CNTNAP5: variants seen among roughly 807,000 people sequenced by gnomAD.
The protein encoded by CNTNAP5 is contactin-associated protein-like 5.
A neutral mutation model predicts 150.2 loss-of-function variants in CNTNAP5; 72 were observed. The observed-to-expected ratio is 0.48, with a 90% CI of 0.40 to 0.58. The LOEUF (loss-of-function observed/expected upper bound fraction) is 0.58, where lower values mean the gene tolerates loss of function less well. Ranked by LOEUF, CNTNAP5 falls within the 20% of genes least tolerant of loss-of-function variation. The pLI, the probability that CNTNAP5 is intolerant of heterozygous loss-of-function variation, is 0.00. For synonymous variants in CNTNAP5, 672 were observed against 619.8 expected (o/e 1.08, Z -1.25); for missense variants, 1,636 against 1,626.2 (o/e 1.01, Z -0.10).
In CNTNAP5 at chr2:124,594,011, A is replaced by C. The variant is rs200601578; in HGVS notation, c.1757-15790A>C. On this transcript the variant is annotated intron_variant, in intron 11 of 23. Transcript: ENST00000682447. ...TGTTTTTTTCTTGTAAATTTGTTTG[A>C]GTTCATTGTAGATTCTGGATATTAG... is the stretch of plus-strand genomic sequence containing the variant. 2.6e-5 allele frequency among the ~76,000 whole-genome samples: 2 copies of C among 77,342 alleles called. 1 individual carries two copies. The highest frequency in any genetic ancestry group is 9.2e-5 in the African/African-American group (2 of 21,816). 50.7% of individuals were successfully genotyped at this position (77,342 alleles called of 152,430 possible).
At chr2:124,763,117 A>T (rs1680992839) in intron 14 of CNTNAP5, among the ~76,000 whole-genome samples, 1 of 152,144 alleles carries the variant, frequency 6.6e-6, no homozygotes, top group South Asian at 2.1e-4. Flanking sequence ...TAACAAAAAC[A>T]AAGCCAGAGT....
chr2:124,571,015 G>T (rs1365252150), intron 11 of CNTNAP5, among the ~76,000 whole-genome samples: 1 of 152,208 alleles, frequency 6.6e-6, no homozygotes, highest in African/African-American at 2.4e-5. Flanking sequence ...TGGGGCTAAT[G>T]ATAGCAATCA....
At chr2:124,536,478 G>A (rs1485978655) in intron 10 of CNTNAP5, among the ~76,000 whole-genome samples, 1 of 151,902 alleles carries the variant, frequency 6.6e-6, no homozygotes, top group Non-Finnish European at 1.5e-5. Context: ...TGACTAGGAT[G>A]CACACTCAAA....
rs1573453608 is a variant in CNTNAP5, at chr2:124,552,047, A to C, written c.1650-11170A>C. 5.3e-5 allele frequency among the ~76,000 whole-genome samples: 8 copies of C among 150,414 alleles called. No individual in the cohort carries two copies. The South Asian group carries it at 1.7e-3, about 32-fold the overall frequency. ...TTAACTACTGTGCTTATTTTCTTAG[A>C]CAAAGGACCATTTTCTTTTAATTTT... On this transcript the variant is annotated intron_variant, in intron 10 of 23. Transcript: ENST00000682447.
At chr2:124,239,977 C>T (rs1241699654) in intron 2 of CNTNAP5, among the ~76,000 whole-genome samples, 1 of 151,532 alleles carries the variant, frequency 6.6e-6, no homozygotes, top group Non-Finnish European at 1.5e-5. Context: ...TTCCTCCTTA[C>T]TAATTTTCTG....
intron 6 of CNTNAP5, among the ~76,000 whole-genome samples, chr2:124,455,596 A>G (rs1188401978): frequency 1.3e-5 from 2 of 152,132 alleles, no homozygotes; most frequent in Non-Finnish European, 2.9e-5. Context: ...TACCAAAACC[A>G]GGAAAGGACA....
chr2:124,075,002 T>A lies in CNTNAP5; in HGVS notation c.82+49270T>A, dbSNP rs184880205. On this transcript the variant is annotated intron_variant, in intron 1 of 23. Transcript: ENST00000682447. ...AAAGCTGAAATTGCATCAAACACAA[T>A]AATCAACATGAAAAAGTGCAGTTTT... 4.2e-4 allele frequency among the ~76,000 whole-genome samples: 64 copies of A among 152,212 alleles called. 1 individual carries two copies. Among genetic ancestry groups the A allele is most frequent in the Admixed American group, 3.2e-3 (49 of 15,276 alleles).
rs146154008 is a variant in CNTNAP5, at chr2:124,484,442, C to T, written c.1062+9560C>T. Among the ~76,000 whole-genome samples the T allele has an allele frequency of 3.5e-4, 53 of 152,240 alleles. No individual in the cohort carries two copies. The South Asian group carries it at 4.3e-3, about 12-fold the overall frequency. On this transcript the variant is annotated intron_variant, in intron 7 of 23. Transcript: ENST00000682447. ...GTAAGATTAAATCCCAGCCTTACCACGTAATGGATACAAAATTTAGATAAA... is the reference window on the plus strand; with the variant it reads ...GTAAGATTAAATCCCAGCCTTACCATGTAATGGATACAAAATTTAGATAAA...
intron 3 of CNTNAP5, among the ~76,000 whole-genome samples, chr2:124,269,024 G>A (rs1242840046): frequency 6.6e-6 from 1 of 151,990 alleles, no homozygotes; most frequent in Non-Finnish European, 1.5e-5. Flanking sequence ...ACCAAAGCAG[G>A]GGCCCTTTAA....
At chr2:124,624,603 G>T (rs1476549539) in intron 12 of CNTNAP5, among the ~76,000 whole-genome samples, 1 of 152,180 alleles carries the variant, frequency 6.6e-6, no homozygotes, top group Non-Finnish European at 1.5e-5. Flanking sequence ...TTTGAATATT[G>T]ACTGAACTTG....
chr2:124,635,897 T>C (rs1677960198), intron 12 of CNTNAP5, among the ~76,000 whole-genome samples: 1 of 152,206 alleles, frequency 6.6e-6, no homozygotes, highest in African/African-American at 2.4e-5. Flanking sequence ...TGAGTTCTCA[T>C]ATTTATGTCT....
intron 3 of CNTNAP5, among the ~76,000 whole-genome samples, chr2:124,296,068 TTG>T (rs1264672768): frequency 1.3e-5 from 2 of 152,244 alleles, no homozygotes; most frequent in Non-Finnish European, 2.9e-5. Flanking sequence ...TATTCATATT[TTG>T]GCCTATTCTT....
chr2:124,888,719 T>G (rs1402285505), intron 21 of CNTNAP5, among the ~76,000 whole-genome samples: 1 of 152,172 alleles, frequency 6.6e-6, no homozygotes, highest in Non-Finnish European at 1.5e-5. Context: ...CATTTTTTCA[T>G]AAGTCTGTCA....
chr2:124,671,866 C>T (rs1179143951), intron 13 of CNTNAP5, among the ~76,000 whole-genome samples: 1 of 152,118 alleles, frequency 6.6e-6, no homozygotes, highest in Non-Finnish European at 1.5e-5. Flanking sequence ...TCTCAAATTC[C>T]TGACCTCAGG....
chr2:124,799,009 A>G lies in CNTNAP5; in HGVS notation c.3217+689A>G, dbSNP rs549444162. On this transcript the variant is annotated intron_variant, in intron 19 of 23. Coordinates refer to ENST00000682447, the MANE Select transcript of CNTNAP5 (RefSeq NM_001367498.1). ...CTTGATACAAAATTCACAAAAATAC[A>G]GGGCAATATTTTCCTAATGCTAAAT... 7.0e-4 allele frequency among the ~76,000 whole-genome samples: 106 copies of G among 152,344 alleles called. 3 individuals are homozygous for G. In the South Asian group the frequency reaches 0.021, roughly 30 times the overall value.
chr2:124,814,715 T>A (rs1463801444), intron 19 of CNTNAP5, among the ~76,000 whole-genome samples: 4 of 152,188 alleles, frequency 2.6e-5, no homozygotes, highest in Non-Finnish European at 4.4e-5. Flanking sequence ...GCTAACAACC[T>A]TGCTTAAAAG....
At chr2:124,171,390 A>C (rs542925263) in intron 1 of CNTNAP5, among the ~76,000 whole-genome samples, 1 of 152,304 alleles carries the variant, frequency 6.6e-6, no homozygotes, top group Admixed American at 6.5e-5. Flanking sequence ...GCACAACAGT[A>C]TCACCACAAA....
intron 3 of CNTNAP5, among the ~76,000 whole-genome samples, chr2:124,303,318 T>C (rs920487253): frequency 2.6e-5 from 4 of 152,332 alleles, no homozygotes; most frequent in Admixed American, 2.0e-4. Flanking sequence ...TTGTAAACTA[T>C]GTATTCAGTC....
chr2:124,281,267 TAGAGA>T (rs1234340079), intron 3 of CNTNAP5, among the ~76,000 whole-genome samples: 1 of 152,104 alleles, frequency 6.6e-6, no homozygotes, highest in Non-Finnish European at 1.5e-5. Flanking sequence ...CCTGCCTCAT[TAGAGA>T]AAATTGGTAT....
Sources: gnomAD v4.1 joint callset for allele counts (sites outside exome capture counted in the v4.1 genomes callset) on GRCh38, gnomAD v4.1.1 for gene constraint, MANE v1.5 for transcripts, NCBI Gene and HGNC (gene_info 2026-07-23, HGNC 2026-07-21) for gene names.